PDE4D: variants seen among roughly 807,000 people sequenced by gnomAD.
The protein encoded by PDE4D is phosphodiesterase 4D.
Under a neutral mutation model 87.4 loss-of-function variants are expected in PDE4D, and 24 were observed. That is an observed-to-expected ratio of 0.27 (90% CI 0.20 to 0.39). The LOEUF is 0.39. Ranked by LOEUF, PDE4D falls within the 10% of genes least tolerant of loss-of-function variation. PDE4D has a pLI of 1.00. For synonymous variants in PDE4D, 384 were observed against 383.2 expected (o/e 1.00, Z -0.02); for missense variants, 714 against 1,041.0 (o/e 0.69, Z 4.32).
upstream of PDE4D, among the ~76,000 whole-genome samples, chr5:59,897,975 C>T (rs576900614): frequency 6.6e-6 from 1 of 152,186 alleles, no homozygotes; most frequent in South Asian, 2.1e-4. Flanking sequence ...TATACATATA[C>T]AAGATAATAT....
rs138225197 is a variant in PDE4D, at chr5:59,687,641, T to C, written c.455+205527A>G. On this transcript the variant is annotated intron_variant, in intron 1 of 14. Transcript: ENST00000340635. ...GCCAAATTGTAAAGACCATCGATGC[T>C]AGGAAGAGACTGCATCAACTAATGA... is the stretch of plus-strand genomic sequence containing the variant. Among the ~76,000 whole-genome samples the C allele has an allele frequency of 4.5e-3, 688 of 152,244 alleles. 8 individuals carry two copies. The highest frequency in any genetic ancestry group is 0.016 in the African/African-American group (660 of 41,536).
chr5:60,113,588 C>T (rs1276889247), intron 2 of PDE4D, among the ~76,000 whole-genome samples: 1 of 152,082 alleles, frequency 6.6e-6, no homozygotes, highest in East Asian at 1.9e-4. Context: ...GGGGGCCATA[C>T]ATGGTTACAG....
chr5:59,238,128 C>G (rs1379055424), intron 1 of PDE4D, among the ~76,000 whole-genome samples: 5 of 152,118 alleles, frequency 3.3e-5, no homozygotes, highest in Admixed American at 3.3e-4. Context: ...CCAAGTTACT[C>G]ACTCTCTCCA....
chr5:60,114,217 A>G (rs1777934195), intron 2 of PDE4D, among the ~76,000 whole-genome samples: 1 of 152,122 alleles, frequency 6.6e-6, no homozygotes, highest in Admixed American at 6.6e-5. Flanking sequence ...TCACTTGTAA[A>G]TGATATCCAT....
chr5:59,156,334 TGTGTGTGTGTGTGTGTGTG>T (rs1780209191), intron 5 of PDE4D, among the ~76,000 whole-genome samples: 1 of 91,530 alleles, frequency 1.1e-5, no homozygotes, highest in Non-Finnish European at 2.4e-5. Flanking sequence ...TATATATATG[TGTGTGTGTGTGTGTGTGTG>T]TGTGTGTGTG....
chr5:59,005,843 C>T (rs952232100), intron 6 of PDE4D, among the ~76,000 whole-genome samples: 11 of 152,190 alleles, frequency 7.2e-5, no homozygotes, highest in African/African-American at 2.4e-4. Flanking sequence ...TGTATGACAG[C>T]TCATCATATA....
chr5:59,328,287 G>T (rs1776079103), intron 1 of PDE4D, among the ~76,000 whole-genome samples: 1 of 152,114 alleles, frequency 6.6e-6, no homozygotes, highest in Admixed American at 6.5e-5. Flanking sequence ...CTGTAAAAAG[G>T]GGGTAATAAT....
intron 1 of PDE4D, chr5:59,586,385 T>C (rs762068855): frequency 1.9e-6 from 3 of 1,608,596 alleles, no homozygotes; most frequent in East Asian, 2.2e-5. Context: ...TGTTCGCAGA[T>C]CTTCTGTCAT....
At chr5:59,848,497 T>C (rs1744199731) in intron 1 of PDE4D, among the ~76,000 whole-genome samples, 1 of 152,042 alleles carries the variant, frequency 6.6e-6, no homozygotes, top group Non-Finnish European at 1.5e-5. Flanking sequence ...CTAAAAATGA[T>C]GTTCACAAAA....
chr5:59,143,590 C>A (rs1415187345), intron 5 of PDE4D, among the ~76,000 whole-genome samples: 1 of 152,174 alleles, frequency 6.6e-6, no homozygotes, highest in Non-Finnish European at 1.5e-5. Flanking sequence ...TTGGACTGTG[C>A]ATGGGACATA....
At chr5:59,879,524 C>T (rs892135109) in intron 1 of PDE4D, among the ~76,000 whole-genome samples, 12 of 152,174 alleles carry the variant, frequency 7.9e-5, no homozygotes, top group Non-Finnish European at 1.3e-4. Context: ...AGGACATTAT[C>T]GTTGTATTTC....
chr5:59,607,433 T>C (rs2150054008), intron 1 of PDE4D, among the ~76,000 whole-genome samples: 1 of 152,276 alleles, frequency 6.6e-6, no homozygotes, highest in African/African-American at 2.4e-5. Context: ...CAAATAGTTC[T>C]GTACGTTTTA....
chr5:59,013,500 C>T (rs1240684064), intron 6 of PDE4D, among the ~76,000 whole-genome samples: 1 of 144,092 alleles, frequency 6.9e-6, no homozygotes, highest in Non-Finnish European at 1.5e-5. Flanking sequence ...ATACAAACTA[C>T]CATCAGAGAA....
intron 5 of PDE4D, among the ~76,000 whole-genome samples, chr5:59,101,449 T>C (rs949393977): frequency 2.0e-5 from 3 of 152,196 alleles, no homozygotes; most frequent in Non-Finnish European, 2.9e-5. Context: ...ACAGGCCTTA[T>C]GTTTATATAG....
chr5:60,151,499 AT>A (rs1781492034), intron 2 of PDE4D, among the ~76,000 whole-genome samples: 1 of 152,004 alleles, frequency 6.6e-6, no homozygotes, highest in Admixed American at 6.6e-5. Flanking sequence ...TAAATATTAT[AT>A]TTTTTGATGT....
chr5:59,867,734 G>A (rs1460821799), intron 1 of PDE4D, among the ~76,000 whole-genome samples: 1 of 152,142 alleles, frequency 6.6e-6, no homozygotes, highest in African/African-American at 2.4e-5. Flanking sequence ...GATCATGGAC[G>A]ATACTGCAAT....
At chr5:59,462,536 C>A (rs947010164) in intron 1 of PDE4D, among the ~76,000 whole-genome samples, 8 of 152,186 alleles carry the variant, frequency 5.3e-5, no homozygotes, top group African/African-American at 1.7e-4. Context: ...ATCTTATGAC[C>A]ATCTTAGTTA....
chr5:59,114,890 A>G (rs1036999652), intron 5 of PDE4D, among the ~76,000 whole-genome samples: 1 of 146,386 alleles, frequency 6.8e-6, no homozygotes, highest in Non-Finnish European at 1.5e-5. Flanking sequence ...AGTGGGGGGA[A>G]AAGAAAAAGA....
chr5:59,327,740 A>G (rs1226292276), intron 1 of PDE4D, among the ~76,000 whole-genome samples: 1 of 152,170 alleles, frequency 6.6e-6, no homozygotes, highest in African/African-American at 2.4e-5. Context: ...AGGGAGAGAA[A>G]TGAAAAGATG....
Sources: allele counts gnomAD v4.1 joint callset (sites outside exome capture counted in the v4.1 genomes callset), GRCh38; gene constraint gnomAD v4.1.1; transcripts MANE v1.5; gene names NCBI Gene and HGNC (gene_info 2026-07-23, HGNC 2026-07-21).